The following ITPRID1 variants were observed in gnomAD, a reference collection of about 807,000 sequenced individuals.
ITPRID1 encodes the protein ITPR interacting domain containing 1.
Under a neutral mutation model 95.4 loss-of-function variants are expected in ITPRID1, and 96 were observed. The ratio of observed to expected loss-of-function variants is 1.01; its 90% CI spans 0.85 to 1.19. The LOEUF (loss-of-function observed/expected upper bound fraction) is 1.19, where lower values mean the gene tolerates loss of function less well. Ranked by LOEUF, ITPRID1 falls within the 50% of genes most tolerant of loss-of-function variation. ITPRID1 has a pLI of 0.00. For missense variants in ITPRID1, 1,339 were observed against 1,252.9 expected (o/e 1.07, Z -1.04); for synonymous variants, 510 against 453.6 (o/e 1.12, Z -1.58).
chr7:31,616,994 T>C (rs1280700791), intron 10 of ITPRID1, among the ~76,000 whole-genome samples: 2 of 152,194 alleles, frequency 1.3e-5, no homozygotes, highest in Non-Finnish European at 2.9e-5. Context: ...CTGTTGCTTA[T>C]ATTCCAAGTG....
chr7:31,582,286 A>C (rs1223756668), intron 9 of ITPRID1, among the ~76,000 whole-genome samples: 1 of 152,378 alleles, frequency 6.6e-6, no homozygotes, highest in South Asian at 2.1e-4. Flanking sequence ...TATGTGGAAT[A>C]AAAATTCCAC....
intron 10 of ITPRID1, among the ~76,000 whole-genome samples, chr7:31,607,802 C>T (rs1786690446): frequency 6.6e-6 from 1 of 150,952 alleles, no homozygotes; most frequent in African/African-American, 2.4e-5. Context: ...AAATTTTCTC[C>T]CCTGTTTCTT....
At position 31,652,875 on chromosome 7, in the gene ITPRID1, A is replaced by G. The variant is rs1276099829; in HGVS notation, c.*46A>G. The G allele has an allele frequency of 1.9e-6, 3 of 1,576,684 alleles. No homozygotes were observed. In the African/African-American group the frequency reaches 4.1e-5, roughly 21 times the overall value. On this transcript the variant is annotated 3_prime_UTR_variant, in exon 15 of 15. Coordinates refer to ENST00000615280, the MANE Select transcript of ITPRID1 (RefSeq NM_001257967.3). Reference sequence around the variant, plus strand: ...CTTCATACAAAATATAAAGGCCCAGAACAGATGTAGCAAGGAAATTTCAAT... The same window carrying G: ...CTTCATACAAAATATAAAGGCCCAGGACAGATGTAGCAAGGAAATTTCAAT...
At chr7:31,525,659 G>A (rs1158529967) in intron 1 of ITPRID1, among the ~76,000 whole-genome samples, 2 of 152,106 alleles carry the variant, frequency 1.3e-5, no homozygotes, top group Non-Finnish European at 2.9e-5. Context: ...CCAAATATTT[G>A]GGGAGCATGC....
chr7:31,546,545 G>A (rs1234160842), intron 1 of ITPRID1, among the ~76,000 whole-genome samples: 1 of 152,052 alleles, frequency 6.6e-6, no homozygotes, highest in Admixed American at 6.6e-5. Flanking sequence ...TCTGGTTAGT[G>A]TGCACTTTCT....
chr7:31,566,845 A>G (rs1260444155), intron 5 of ITPRID1, among the ~76,000 whole-genome samples: 1 of 152,162 alleles, frequency 6.6e-6, no homozygotes, highest in Non-Finnish European at 1.5e-5. Context: ...GAATGCCGCA[A>G]TGGATTAGCC....
intron 1 of ITPRID1, among the ~76,000 whole-genome samples, chr7:31,525,275 T>C (rs1783388001): frequency 6.6e-6 from 1 of 152,204 alleles, no homozygotes; most frequent in Non-Finnish European, 1.5e-5. Flanking sequence ...AGTCCTAACC[T>C]TTCCATCTTT....
In ITPRID1 at chr7:31,603,279, C is replaced by T. The variant is rs543927419; in HGVS notation, c.1228+20088C>T. 3.3e-5 allele frequency among the ~76,000 whole-genome samples: 5 copies of T among 152,224 alleles called. No individual in the cohort carries two copies. In the South Asian group the frequency reaches 1.0e-3, roughly 32 times the overall value. On this transcript the variant is annotated intron_variant, in intron 10 of 14. Transcript: ENST00000615280. Reference sequence around the variant, plus strand: ...CCAACGAGTGGTGCCAGGGATCAAACCACATCCTCCCTCCCCGTGGCAGCT... The same window carrying T: ...CCAACGAGTGGTGCCAGGGATCAAATCACATCCTCCCTCCCCGTGGCAGCT...
At chr7:31,650,919 A>G (rs1223722477) in intron 12 of ITPRID1, among the ~76,000 whole-genome samples, 1 of 152,090 alleles carries the variant, frequency 6.6e-6, no homozygotes, top group African/African-American at 2.4e-5. Context: ...TTGTCACCCA[A>G]AGGCCACCCA....
intron 10 of ITPRID1, among the ~76,000 whole-genome samples, chr7:31,590,089 G>A (rs1428665532): frequency 6.6e-6 from 1 of 151,898 alleles, no homozygotes; most frequent in Non-Finnish European, 1.5e-5. Flanking sequence ...GTTTTTTGAG[G>A]TGGGGATCTC....
chr7:31,647,071 T>C (rs1205120686), intron 12 of ITPRID1, among the ~76,000 whole-genome samples: 2 of 152,360 alleles, frequency 1.3e-5, no homozygotes, highest in East Asian at 3.9e-4. Flanking sequence ...TATGCAGGCA[T>C]ACATATGCAC....
chr7:31,547,218 A>C (rs1401877064), intron 1 of ITPRID1, among the ~76,000 whole-genome samples: 1 of 152,212 alleles, frequency 6.6e-6, no homozygotes, highest in Non-Finnish European at 1.5e-5. Flanking sequence ...GGCTGATATT[A>C]GGTTGATAGC....
intron 10 of ITPRID1, among the ~76,000 whole-genome samples, chr7:31,599,140 A>C (rs891014357): frequency 6.6e-6 from 1 of 152,246 alleles, no homozygotes; most frequent in African/African-American, 2.4e-5. Flanking sequence ...AAATAGTGAA[A>C]AACTTTTGTC....
intron 1 of ITPRID1, among the ~76,000 whole-genome samples, chr7:31,544,139 G>C (rs974507409): frequency 6.6e-6 from 1 of 152,036 alleles, no homozygotes; most frequent in Non-Finnish European, 1.5e-5. Flanking sequence ...TGGTAAGAGG[G>C]AGCATTCCTC....
chr7:31,549,999 G>A lies in ITPRID1; in HGVS notation c.-24+500G>A, dbSNP rs1049908034. On this transcript the variant is annotated intron_variant, in intron 2 of 14. Coordinates refer to ENST00000615280, the MANE Select transcript of ITPRID1 (RefSeq NM_001257967.3). ...CTCTAAAGCTTCACAGTGAAAAGGA[G>A]CATGTATGGATGAATTTGCTCAAGT... is the stretch of plus-strand genomic sequence containing the variant. 2.0e-5 allele frequency among the ~76,000 whole-genome samples: 3 copies of A among 152,152 alleles called. No individual in the cohort carries two copies. In the East Asian group the frequency reaches 5.8e-4, roughly 29 times the overall value.
chr7:31,607,094 T>A (rs1786658083), intron 10 of ITPRID1, among the ~76,000 whole-genome samples: 2 of 152,164 alleles, frequency 1.3e-5, no homozygotes, highest in African/African-American at 2.4e-5. Flanking sequence ...GTCCTTTTTT[T>A]CTATTTTTGA....
At chr7:31,520,936 G>A (rs1267112264) in intron 1 of ITPRID1, among the ~76,000 whole-genome samples, 1 of 151,776 alleles carries the variant, frequency 6.6e-6, no homozygotes, top group African/African-American at 2.4e-5. Flanking sequence ...ACAACTGTAA[G>A]AACCCTGGCT....
intron 10 of ITPRID1, among the ~76,000 whole-genome samples, chr7:31,585,989 C>T (rs193255352): frequency 7.1e-6 from 1 of 139,920 alleles, no homozygotes; most frequent in Non-Finnish European, 1.5e-5. Context: ...TCCCTCCCCC[C>T]TCCCCCCATC....
Position 31,653,025 on chromosome 7 carries a change from C to T in ITPRID1, c.*196C>T. 1.5e-6 allele frequency: 2 copies of T among 1,345,948 alleles called. No individual in the cohort carries two copies. The highest frequency in any genetic ancestry group is 2.0e-6 in the Non-Finnish European group (2 of 1,025,058). 83.4% of individuals were successfully genotyped at this position (1,345,948 alleles called of 1,614,324 possible). A position where few individuals can be genotyped will look rare whatever the true frequency, so the allele number is the denominator to read the frequency against. On this transcript the variant is annotated 3_prime_UTR_variant, in exon 15 of 15. Transcript: ENST00000615280. ...CATTCAGTATAGAATAACTGAGCAC[C>T]TAGTATGTGCCTGGCACAGAGTATG...
Sources: allele counts gnomAD v4.1 joint callset (sites outside exome capture counted in the v4.1 genomes callset), GRCh38; gene constraint gnomAD v4.1.1; transcripts MANE v1.5; gene names NCBI Gene and HGNC (gene_info 2026-07-23, HGNC 2026-07-21).